UBR3: variants seen among roughly 807,000 people sequenced by gnomAD.
UBR3 encodes the protein E3 ubiquitin-protein ligase UBR3.
A neutral mutation model predicts 243.2 loss-of-function variants in UBR3; 85 were observed. That is an observed-to-expected ratio of 0.35 (90% CI 0.29 to 0.42). The LOEUF is 0.42. Among genes scored for constraint, UBR3 ranks in the 10% least tolerant of loss-of-function variants. The probability of loss-of-function intolerance (pLI) is 1.00; values close to 1 mark genes in which losing one functional copy is unlikely to be tolerated. For synonymous variants in UBR3, 748 were observed against 799.8 expected, an observed-to-expected ratio of 0.94 and a Z score of 1.09; for missense variants, 1,686 against 2,300.8, an observed-to-expected ratio of 0.73 and a Z score of 5.47.
intron 19 of UBR3, among the ~76,000 whole-genome samples, chr2:169,938,509 G>A (rs2105354193): frequency 6.6e-6 from 1 of 152,166 alleles, no homozygotes; most frequent in Admixed American, 6.5e-5. Context: ...TGATCTGCCT[G>A]CCTCAGCCTC....
At chr2:169,998,931 T>C (rs541765190) in intron 26 of UBR3, among the ~76,000 whole-genome samples, 1 of 152,286 alleles carries the variant, frequency 6.6e-6, no homozygotes, top group African/African-American at 2.4e-5. Context: ...TCCAGCTTCT[T>C]TATGAGGTTT....
At chr2:169,896,840 GTAT>G (rs1218297122) in intron 8 of UBR3, 105 bp downstream of exon 8, 1 of 762,386 alleles carries the variant, frequency 1.3e-6, no homozygotes, top group Non-Finnish European at 1.9e-6. Context: ...ATGATACTTA[GTAT>G]TATTAATCAT....
chr2:170,066,500 C>T (rs1370230773), intron 35 of UBR3, among the ~76,000 whole-genome samples: 5 of 107,558 alleles, frequency 4.6e-5, no homozygotes, highest in Admixed American at 3.0e-4. Context: ...CTGAGGGGCT[C>T]ATGATTATCT....
At chr2:169,882,594 A>G (rs957662833) in intron 5 of UBR3, among the ~76,000 whole-genome samples, 2 of 151,404 alleles carry the variant, frequency 1.3e-5, no homozygotes, top group Non-Finnish European at 2.9e-5. Context: ...TACAAAAATT[A>G]GCTGAACATG....
chr2:170,080,677 G>A lies in UBR3; in HGVS notation c.5542G>A (p.Asp1848Asn). ...GGATGCTCATGGAGAGGAAGACCGG[G>A]ATCTTAGGTTAGATGTTCATGGATA... ...YLDAHGEEDRDLRRGKPLYIC... is the reference protein window; with the variant it reads ...YLDAHGEEDRNLRRGKPLYIC... Residue 1848 changes from aspartate (D) to asparagine (N), a missense_variant, in exon 38 of 39, where the codon GAT becomes AAT. Coordinates refer to ENST00000272793, the MANE Select transcript of UBR3 (RefSeq NM_172070.4). The A allele has an allele frequency of 6.2e-7, 1 of 1,613,676 alleles. No homozygotes were observed.
intron 33 of UBR3, among the ~76,000 whole-genome samples, chr2:170,059,102 C>A (rs577076200): frequency 6.6e-6 from 1 of 152,132 alleles, no homozygotes; most frequent in South Asian, 2.1e-4. Flanking sequence ...CTTCAAGAGC[C>A]TACTTTTTCG....
chr2:169,976,087 A>G lies in UBR3; in HGVS notation c.3635-10558A>G, dbSNP rs186147927. 2.2e-3 allele frequency among the ~76,000 whole-genome samples: 328 copies of G among 146,576 alleles called. 1 individual carries two copies. The highest frequency in any genetic ancestry group is 0.01 in the Middle Eastern group (3 of 288). On this transcript the variant is annotated intron_variant, in intron 24 of 38. Coordinates refer to ENST00000272793, the MANE Select transcript of UBR3 (RefSeq NM_172070.4). ...TTTACTGGCAAAGTGAATTTCTTGT[A>G]GGCAGCATATAGTTGGGCCACTTTT... is the stretch of plus-strand genomic sequence containing the variant.
At chr2:169,920,787 C>T (rs956064065) in intron 11 of UBR3, among the ~76,000 whole-genome samples, 4 of 152,188 alleles carry the variant, frequency 2.6e-5, no homozygotes, top group Non-Finnish European at 4.4e-5. Context: ...GCCCTGCCTC[C>T]AGTCAAGTAT....
At chr2:170,018,582 C>G (rs532660152) in intron 30 of UBR3, among the ~76,000 whole-genome samples, 6 of 152,120 alleles carry the variant, frequency 3.9e-5, no homozygotes, top group Non-Finnish European at 7.4e-5. Flanking sequence ...CCAAAAACTT[C>G]GCTGATTCCA....
chr2:170,065,758 T>A (rs1441562869), intron 35 of UBR3, among the ~76,000 whole-genome samples: 1 of 152,154 alleles, frequency 6.6e-6, no homozygotes, highest in Non-Finnish European at 1.5e-5. Context: ...ACTGGCCACT[T>A]GCAAAGTTTT....
At chr2:170,027,773 G>A (rs1281236455) in intron 30 of UBR3, among the ~76,000 whole-genome samples, 1 of 151,850 alleles carries the variant, frequency 6.6e-6, no homozygotes, top group Non-Finnish European at 1.5e-5. Context: ...TATATGCTTA[G>A]TAGTCTCATA....
intron 33 of UBR3, among the ~76,000 whole-genome samples, chr2:170,060,803 C>T (rs756473016): frequency 1.3e-5 from 2 of 151,676 alleles, no homozygotes; most frequent in African/African-American, 2.4e-5. Context: ...GTGGGAATTA[C>T]TTGGTCAAAA....
chr2:169,831,123 ATATATTTTTTTTTTTTTTT>A (rs1298486965), intron 1 of UBR3, among the ~76,000 whole-genome samples: 2 of 56,558 alleles, frequency 3.5e-5, no homozygotes, highest in African/African-American at 1.2e-4. Context: ...ATATATATAT[ATATATTTTTTTTTTTTTTT>A]TTTTTTTTTT....
intron 35 of UBR3, among the ~76,000 whole-genome samples, chr2:170,071,677 C>G (rs1414918945): frequency 6.6e-6 from 1 of 152,204 alleles, no homozygotes; most frequent in Non-Finnish European, 1.5e-5. Context: ...TTGTAAATTT[C>G]TAGATATTTG....
chr2:170,028,745 G>A (rs945175508), intron 30 of UBR3, among the ~76,000 whole-genome samples: 4 of 150,762 alleles, frequency 2.7e-5, no homozygotes, highest in South Asian at 2.1e-4. Context: ...AATGTCATGA[G>A]CAGAATTTTG....
rs183834027 is a variant in UBR3, at chr2:169,931,168, G to A, written c.2567-1744G>A. Among the ~76,000 whole-genome samples the A allele has an allele frequency of 7.9e-3, 1,195 of 152,030 alleles. 13 individuals are homozygous for A. The highest frequency in any genetic ancestry group is 0.026 in the African/African-American group (1,068 of 41,462). On this transcript the variant is annotated intron_variant, in intron 18 of 38. Coordinates refer to ENST00000272793, the MANE Select transcript of UBR3 (RefSeq NM_172070.4). ...AGATTGAGACCATCCTGGCTAACAT[G>A]GTGAAACCCTGTCTCTACTAAAAAT... is the stretch of plus-strand genomic sequence containing the variant.
intron 24 of UBR3, chr2:169,964,458 G>A (rs1363901092): frequency 2.1e-6 from 1 of 469,482 alleles, no homozygotes; most frequent in Non-Finnish European, 4.4e-6. Flanking sequence ...AGATTGGGTG[G>A]TATTGCCTTG....
chr2:169,950,052 G>T lies in UBR3; in HGVS notation c.3532G>T (p.Asp1178Tyr). The change falls in exon 23 of 39, where the codon GAC becomes TAC. Residue 1178 changes from aspartate to tyrosine, a missense_variant. Coordinates refer to ENST00000272793, the MANE Select transcript of UBR3 (RefSeq NM_172070.4). ...CACTGCAGCAGAGAAGAAAACATTG[G>T]ACAAAGAAGAAAGGTAATTTTTATT... is the stretch of plus-strand genomic sequence containing the variant. ...KVTAAEKKTL[D>Y]KEERRQKARE... 1 of 1,550,716 alleles carries T rather than the reference G, an allele frequency of 6.4e-7. No individual in the cohort carries two copies. The highest frequency in any genetic ancestry group is 1.2e-5 in the South Asian group (1 of 81,298).
chr2:170,044,991 G>C (rs2091048747), intron 32 of UBR3, among the ~76,000 whole-genome samples: 1 of 152,028 alleles, frequency 6.6e-6, no homozygotes. Flanking sequence ...TGAGCCTCCA[G>C]GGTTTAAGAC....
Sources: gnomAD v4.1 joint callset for allele counts (sites outside exome capture counted in the v4.1 genomes callset) on GRCh38, gnomAD v4.1.1 for gene constraint, MANE v1.5 for transcripts, NCBI Gene and HGNC (gene_info 2026-07-23, HGNC 2026-07-21) for gene names.